PLD5: variants seen among roughly 807,000 people sequenced by gnomAD.
PLD5 encodes the protein phospholipase D family member 5, also known as inactive phospholipase D5.
PLD5 carries 36 observed loss-of-function variants against 61.1 expected under a neutral mutation model. The ratio of observed to expected loss-of-function variants is 0.59; its 90% confidence interval spans 0.45 to 0.78. PLD5 has a LOEUF of 0.78. PLD5 is among the 30% of genes least tolerant of loss of function. The pLI is 0.00. For synonymous variants in PLD5, 243 were observed against 242.8 expected (o/e 1.00, Z -0.01); for missense variants, 515 against 644.4 (o/e 0.80, Z 2.17).
At chr1:242,225,396 G>A (rs746796138) in intron 4 of PLD5, among the ~76,000 whole-genome samples, 32 of 151,774 alleles carry the variant, frequency 2.1e-4, no homozygotes, top group Admixed American at 3.9e-4. Context: ...CATAACGCAC[G>A]TGAGACCCAT....
At chr1:242,157,595 G>A (rs1442519649) in intron 5 of PLD5, among the ~76,000 whole-genome samples, 1 of 152,158 alleles carries the variant, frequency 6.6e-6, no homozygotes. Context: ...AGGCCCCTCT[G>A]CTGCAGGTCT....
At chr1:242,516,250 T>TTTTA (rs1253189390) in intron 1 of PLD5, among the ~76,000 whole-genome samples, 2 of 138,626 alleles carry the variant, frequency 1.4e-5, no homozygotes, top group South Asian at 2.4e-4. Context: ...TAAAGTTAAA[T>TTTTA]TATATATATA....
At chr1:242,340,485 C>G (rs12132461) in intron 2 of PLD5, among the ~76,000 whole-genome samples, 8,833 of 149,668 alleles carry the variant, frequency 0.059, 304 homozygotes, top group Middle Eastern at 0.1. Flanking sequence ...CATTTTGGAG[C>G]AAAGTAAGAT....
rs1199476018 is a variant in PLD5 at position 242,271,197 on chromosome 1, CACACAGAGAGAGAGAGAGAGAG to C, written c.496-5771_496-5750del. On this transcript the variant is annotated intron_variant, in intron 3 of 9. Coordinates refer to ENST00000536534, the MANE Select transcript of PLD5 (RefSeq NM_001372062.1). ...GTGCATGTACACACACACACACACACACACAGAGAGAGAGAGAGAGAGAGAGAGAGAGAGAGAGAGAGAGAGA... is the reference window on the plus strand; with the variant it reads ...GTGCATGTACACACACACACACACACAGAGAGAGAGAGAGAGAGAGAGAGA... Among the ~76,000 whole-genome samples the C allele has an allele frequency of 1.2e-3, 16 of 13,380 alleles. No individual in the cohort carries two copies. The South Asian group carries it at 0.093, about 77-fold the overall frequency. 8.8% of individuals were successfully genotyped at this position (13,380 alleles called of 152,430 possible).
Position 242,334,526 on chromosome 1 carries a change from G to A in PLD5, c.326+13580C>T, listed in dbSNP as rs12733157. On this transcript the variant is annotated intron_variant, in intron 2 of 9. Transcript: ENST00000536534. ...GGCATGCAGCGTGTTGGACAACGTA[G>A]CAGACATCGTGGCATCCCTCTGCCC... Among the ~76,000 whole-genome samples, 740 of 152,312 alleles carry A rather than the reference G, an allele frequency of 4.9e-3. 4 individuals are homozygous for A. Among genetic ancestry groups the A allele is most frequent in the Non-Finnish European group, 5.8e-3 (396 of 68,022 alleles).
At chr1:242,481,060 A>G (rs2102962363) in intron 1 of PLD5, among the ~76,000 whole-genome samples, 2 of 152,282 alleles carry the variant, frequency 1.3e-5, no homozygotes, top group Middle Eastern at 3.4e-3. Flanking sequence ...CATATGGCCA[A>G]ATAAAGACTT....
In PLD5 at chr1:242,524,336, CG is replaced by C; in HGVS notation, c.-61del. 1 of 1,341,490 alleles carries C rather than the reference CG, an allele frequency of 7.5e-7. No individual in the cohort carries two copies. Among genetic ancestry groups the C allele is most frequent in the South Asian group, 1.8e-5 (1 of 54,148 alleles). The allele number at this position is 1,341,490 out of a possible 1,614,324, so 83.1% of individuals were successfully genotyped here. ...GACTCGGGACGGGCGCGCGGGGAGCCGGGCGCGGAGGGCGAGCGGGAGGCCC... is the reference window on the plus strand; with the variant it reads ...GACTCGGGACGGGCGCGCGGGGAGCCGGCGCGGAGGGCGAGCGGGAGGCCC... On this transcript the variant is annotated 5_prime_UTR_variant, in exon 1 of 10. Coordinates refer to ENST00000536534, the MANE Select transcript of PLD5 (RefSeq NM_001372062.1).
chr1:242,172,611 A>G (rs316883), intron 5 of PLD5, among the ~76,000 whole-genome samples: 1,861 of 152,274 alleles, frequency 0.012, 45 homozygotes, highest in East Asian at 0.06. Flanking sequence ...GAAAAGATCA[A>G]CAAAATAGAT....
rs374086205 is a variant in PLD5 at position 242,267,725 on chromosome 1, A to T, written c.496-2277T>A. Among the ~76,000 whole-genome samples, 1,589 of 107,072 alleles carry T rather than the reference A, an allele frequency of 0.015. 97 individuals carry two copies. In the East Asian group the frequency reaches 0.2, roughly 13 times the overall value. The allele number at this position is 107,072 out of a possible 152,430, so 70.2% of individuals were successfully genotyped here. A position where few individuals can be genotyped will look rare whatever the true frequency, so the allele number is the denominator to read the frequency against. On this transcript the variant is annotated intron_variant, in intron 3 of 9. Coordinates refer to ENST00000536534, the MANE Select transcript of PLD5 (RefSeq NM_001372062.1). Reference sequence around the variant, plus strand: ...GGAGACCCTGTCTCTACAAAAAGTTAAAAAAAAAAAAAAAAGCCAGGCATG... The same window carrying T: ...GGAGACCCTGTCTCTACAAAAAGTTTAAAAAAAAAAAAAAAGCCAGGCATG...
At chr1:242,244,091 A>G (rs1672222758) in intron 4 of PLD5, among the ~76,000 whole-genome samples, 1 of 152,202 alleles carries the variant, frequency 6.6e-6, no homozygotes, top group South Asian at 2.1e-4. Context: ...TTAATGACAT[A>G]TATGCACGTA....
At chr1:242,112,045 A>G (rs954513319) in intron 7 of PLD5, among the ~76,000 whole-genome samples, 2 of 152,170 alleles carry the variant, frequency 1.3e-5, no homozygotes, top group African/African-American at 4.8e-5. Context: ...GTCAATCCTG[A>G]GAAATCATTA....
At chr1:242,378,537 A>G (rs1662097609) in intron 1 of PLD5, among the ~76,000 whole-genome samples, 1 of 152,180 alleles carries the variant, frequency 6.6e-6, no homozygotes, top group African/African-American at 2.4e-5. Context: ...TTTTACCACA[A>G]TAAAAAACAA....
Position 242,219,857 on chromosome 1 carries a change from C to A in PLD5, c.735+131G>T, listed in dbSNP as rs956234232. Reference sequence around the variant, plus strand: ...TCCTTTCACATAAAAGGAAGATGAGCCTCTTAAAACTACAGTTAAGAATAA... The same window carrying A: ...TCCTTTCACATAAAAGGAAGATGAGACTCTTAAAACTACAGTTAAGAATAA... On this transcript the variant is annotated intron_variant, in intron 5 of 9. Coordinates refer to ENST00000536534, the MANE Select transcript of PLD5 (RefSeq NM_001372062.1). 5.1e-6 allele frequency: 6 copies of A among 1,168,234 alleles called. No homozygotes were observed. In the African/African-American group the frequency reaches 8.0e-5, roughly 16 times the overall value. 72.4% of individuals were successfully genotyped at this position (1,168,234 alleles called of 1,614,324 possible).
chr1:242,212,576 A>C (rs1166280490), intron 5 of PLD5, among the ~76,000 whole-genome samples: 2 of 152,162 alleles, frequency 1.3e-5, no homozygotes, highest in Non-Finnish European at 2.9e-5. Flanking sequence ...AGGCACATGC[A>C]GGAAGGTTTG....
At chr1:242,469,752 C>T (rs962030332) in intron 1 of PLD5, among the ~76,000 whole-genome samples, 1 of 152,120 alleles carries the variant, frequency 6.6e-6, no homozygotes, top group Admixed American at 6.5e-5. Context: ...ACACATCTTG[C>T]TGTCCAGGGA....
intron 6 of PLD5, among the ~76,000 whole-genome samples, chr1:242,115,005 C>T (rs1029544720): frequency 1.3e-5 from 2 of 151,752 alleles, no homozygotes; most frequent in African/African-American, 2.4e-5. Context: ...GGTGAAACCC[C>T]GTCTCTACTA....
intron 1 of PLD5, among the ~76,000 whole-genome samples, chr1:242,473,817 G>T (rs1667510554): frequency 6.6e-6 from 1 of 152,120 alleles, no homozygotes; most frequent in African/African-American, 2.4e-5. Flanking sequence ...CAAAGTGGGT[G>T]CTGAGAAATA....
intron 5 of PLD5, among the ~76,000 whole-genome samples, chr1:242,156,844 G>T (rs1665411877): frequency 6.6e-6 from 1 of 151,972 alleles, no homozygotes; most frequent in Non-Finnish European, 1.5e-5. Flanking sequence ...TGTTTGCTCT[G>T]CTTGAGGAGT....
intron 1 of PLD5, among the ~76,000 whole-genome samples, chr1:242,350,434 TACACACACACACACACACAC>T (rs57955584): frequency 6.9e-5 from 10 of 145,302 alleles, no homozygotes; most frequent in African/African-American, 2.0e-4. Flanking sequence ...TATACACACG[TACACACACACACACACACAC>T]ACACACACAC....
Sources: gnomAD v4.1 joint callset for allele counts (sites outside exome capture counted in the v4.1 genomes callset) on GRCh38, gnomAD v4.1.1 for gene constraint, MANE v1.5 for transcripts, NCBI Gene and HGNC (gene_info 2026-07-23, HGNC 2026-07-21) for gene names.